The following C16orf74 variants were observed in gnomAD, a reference collection of about 807,000 sequenced individuals.
C16orf74 encodes uncharacterized protein C16orf74.
Under a neutral mutation model 6.5 loss-of-function variants are expected in C16orf74, and 10 were observed. The observed-to-expected ratio is 1.54, with a 90% CI of 0.95 to 2.61. C16orf74 has a LOEUF of 2.61. Among genes scored for constraint, C16orf74 ranks in the 30% most tolerant of loss-of-function variants. The pLI is 0.00. For synonymous variants in C16orf74, 60 were observed against 42.5 expected, an observed-to-expected ratio of 1.41 and a Z score of -1.60; for missense variants, 141 against 105.9, an observed-to-expected ratio of 1.33 and a Z score of -1.45.
At chr16:85,713,381 T>G (rs1397237074) in intron 2 of C16orf74, among the ~76,000 whole-genome samples, 1 of 152,166 alleles carries the variant, frequency 6.6e-6, no homozygotes, top group Admixed American at 6.5e-5. Flanking sequence ...AAACAAAATC[T>G]CCTGTCTCAG....
rs540488301 is a variant in C16orf74, at chr16:85,729,698, C to T, written c.28+5492G>A. Among the ~76,000 whole-genome samples the T allele has an allele frequency of 1.1e-3, 167 of 152,242 alleles. 1 individual carries two copies. The highest frequency in any genetic ancestry group is 2.7e-3 in the South Asian group (13 of 4,822). ...GGGCGGAGGGGCTCTAAATCCAATG[C>T]CTGGTGTCCTTACAAGAGGAGGAGA... On this transcript the variant is annotated intron_variant, in intron 2 of 3. Coordinates refer to ENST00000284245, the MANE Select transcript of C16orf74 (RefSeq NM_206967.3).
At chr16:85,749,259 T>G (rs1397079277) in intron 1 of C16orf74, among the ~76,000 whole-genome samples, 2 of 152,148 alleles carry the variant, frequency 1.3e-5, no homozygotes, top group African/African-American at 4.8e-5. Flanking sequence ...TTTACAAGCT[T>G]CTGTTTCCTC....
intron 1 of C16orf74, among the ~76,000 whole-genome samples, chr16:85,745,139 T>TAAAAAA (rs10554549): frequency 3.9e-5 from 2 of 51,010 alleles, no homozygotes; most frequent in African/African-American, 9.0e-5. Flanking sequence ...AAACTCTGTC[T>TAAAAAA]AAAAAAAAAA....
At chr16:85,720,999 G>T (rs773892946) in intron 2 of C16orf74, among the ~76,000 whole-genome samples, 1 of 152,074 alleles carries the variant, frequency 6.6e-6, no homozygotes, top group Non-Finnish European at 1.5e-5. Context: ...GCTGAGGCAC[G>T]AGAATCACTT....
chr16:85,730,792 T>C (rs2054179229), intron 2 of C16orf74, among the ~76,000 whole-genome samples: 1 of 149,272 alleles, frequency 6.7e-6, no homozygotes, highest in African/African-American at 2.5e-5. Context: ...ACCCCATAGA[T>C]CAGCCAACTA....
chr16:85,728,144 A>G (rs80300008), intron 2 of C16orf74, among the ~76,000 whole-genome samples: 4,787 of 152,138 alleles, frequency 0.031, 247 homozygotes, highest in African/African-American at 0.11. Context: ...ATCCTGTCTC[A>G]AAAATATAAA....
chr16:85,747,349 G>A (rs555722417), intron 1 of C16orf74, among the ~76,000 whole-genome samples: 37 of 152,258 alleles, frequency 2.4e-4, no homozygotes, highest in African/African-American at 5.5e-4. Context: ...CTACTTGGGG[G>A]GCTGAGTTGG....
intron 2 of C16orf74, among the ~76,000 whole-genome samples, chr16:85,717,579 C>CT (rs1213185689): frequency 1.3e-5 from 2 of 152,138 alleles, no homozygotes; most frequent in Non-Finnish European, 2.9e-5. Flanking sequence ...TGGCCGGGGC[C>CT]TAGGGGGTCC....
intron 1 of C16orf74, among the ~76,000 whole-genome samples, chr16:85,749,911 C>G (rs1036313014): frequency 1.3e-5 from 2 of 152,222 alleles, no homozygotes; most frequent in African/African-American, 4.8e-5. Flanking sequence ...AAATACACGG[C>G]CTCCTCCCAT....
intron 2 of C16orf74, among the ~76,000 whole-genome samples, chr16:85,733,274 C>G (rs572181069): frequency 2.0e-5 from 3 of 152,308 alleles, no homozygotes; most frequent in African/African-American, 4.8e-5. Flanking sequence ...CTAGAAAACA[C>G]CACACTGAGT....
chr16:85,733,570 AAAG>A (rs1168497435), intron 2 of C16orf74, among the ~76,000 whole-genome samples: 1 of 150,082 alleles, frequency 6.7e-6, no homozygotes, highest in Non-Finnish European at 1.5e-5. Context: ...ATTATTTTTT[AAAG>A]AAGAAAAGTA....
chr16:85,745,203 G>A (rs1291739829), intron 1 of C16orf74, among the ~76,000 whole-genome samples: 1 of 150,092 alleles, frequency 6.7e-6, no homozygotes, highest in African/African-American at 2.5e-5. Flanking sequence ...GATTCTCTCT[G>A]GTGACAAGGA....
intron 2 of C16orf74, among the ~76,000 whole-genome samples, chr16:85,732,645 G>A (rs1278345711): frequency 8.1e-6 from 1 of 123,128 alleles, no homozygotes; most frequent in Non-Finnish European, 1.6e-5. Flanking sequence ...CAGCCTGGGT[G>A]ACAGAGCGAG....
chr16:85,722,562 C>T (rs768767337), intron 2 of C16orf74, among the ~76,000 whole-genome samples: 2 of 152,220 alleles, frequency 1.3e-5, no homozygotes, highest in African/African-American at 2.4e-5. Context: ...GTGAGCTCTC[C>T]GGGGAGTCCT....
At chr16:85,720,824 A>G (rs1376078249) in intron 2 of C16orf74, among the ~76,000 whole-genome samples, 6 of 151,078 alleles carry the variant, frequency 4.0e-5, no homozygotes, top group African/African-American at 1.5e-4. Context: ...GTGGCGGCTC[A>G]TGCTTGTAAT....
intron 1 of C16orf74, among the ~76,000 whole-genome samples, chr16:85,738,326 ATT>A (rs368313117): frequency 5.2e-5 from 7 of 135,640 alleles, no homozygotes; most frequent in Admixed American, 7.4e-5. Context: ...TGGCATTGGG[ATT>A]TTTTTTTTTT....
intron 2 of C16orf74, among the ~76,000 whole-genome samples, chr16:85,719,332 G>A (rs770323177): frequency 2.4e-4 from 37 of 152,164 alleles, no homozygotes; most frequent in Non-Finnish European, 4.7e-4. Flanking sequence ...CAGGAATCAG[G>A]TCCCCAAGAT....
At chr16:85,749,692 G>A (rs74548471) in intron 1 of C16orf74, among the ~76,000 whole-genome samples, 1 of 152,226 alleles carries the variant, frequency 6.6e-6, no homozygotes, top group Non-Finnish European at 1.5e-5. Flanking sequence ...CCGTAAGCAT[G>A]AACTATCAGT....
chr16:85,748,939 T>TA (rs1567815850), intron 1 of C16orf74, among the ~76,000 whole-genome samples: 1,189 of 115,584 alleles, frequency 0.01, 10 homozygotes, highest in African/African-American at 0.037. Context: ...TTTTTTTTTT[T>TA]TTTTTTTTAT....
Sources: allele counts gnomAD v4.1 joint callset (sites outside exome capture counted in the v4.1 genomes callset), GRCh38; gene constraint gnomAD v4.1.1; transcripts MANE v1.5; gene names NCBI Gene and HGNC (gene_info 2026-07-23, HGNC 2026-07-21).